Variants in TENM2 observed in about 807,000 individuals in gnomAD.
TENM2 encodes the protein teneurin transmembrane protein 2.
In TENM2, 52 loss-of-function variants were observed where a neutral mutation model predicts 245.2. The ratio of observed to expected loss-of-function variants is 0.21; its 90% CI spans 0.17 to 0.27. The LOEUF (loss-of-function observed/expected upper bound fraction) is 0.27. TENM2 is among the 10% of genes least tolerant of loss of function. TENM2 has a pLI of 1.00. For synonymous variants in TENM2, 1,363 were observed against 1,438.9 expected, an observed-to-expected ratio of 0.95 and a Z score of 1.19; for missense variants, 3,046 against 3,666.8, an observed-to-expected ratio of 0.83 and a Z score of 4.37.
intron 2 of TENM2, among the ~76,000 whole-genome samples, chr5:167,693,816 C>T (rs1275004138): frequency 1.3e-5 from 2 of 152,096 alleles, no homozygotes; most frequent in African/African-American, 2.4e-5. Flanking sequence ...ACTGCCTTGC[C>T]TAGCATGTTC....
chr5:167,657,318 T>G (rs929680985), intron 2 of TENM2, among the ~76,000 whole-genome samples: 1 of 152,208 alleles, frequency 6.6e-6, no homozygotes, highest in African/African-American at 2.4e-5. Flanking sequence ...GATTTCATTC[T>G]TTTTTTGAGG....
At chr5:167,554,673 A>G (rs1414725287) in intron 2 of TENM2, among the ~76,000 whole-genome samples, 1 of 152,172 alleles carries the variant, frequency 6.6e-6, no homozygotes, top group Non-Finnish European at 1.5e-5. Context: ...AGAAAGGTGA[A>G]GTAAGTTGGC....
At chr5:167,346,052 T>C (rs1164788963) in intron 1 of TENM2, among the ~76,000 whole-genome samples, 1 of 152,102 alleles carries the variant, frequency 6.6e-6, no homozygotes, top group Admixed American at 6.5e-5. Context: ...CAGAACAACA[T>C]GGCCTAATCA....
intron 12 of TENM2, among the ~76,000 whole-genome samples, chr5:168,161,913 T>C (rs1463330590): frequency 6.6e-6 from 1 of 152,010 alleles, no homozygotes; most frequent in East Asian, 1.9e-4. Context: ...CGAGCACATA[T>C]ATTTTTTCTT....
At chr5:167,011,565 A>G in the TENM2 span, among the ~76,000 whole-genome samples, 3 of 152,356 alleles carry the variant, frequency 2.0e-5, no homozygotes, top group African/African-American at 7.2e-5. Flanking sequence ...TCTAGCTCAT[A>G]TCTGAGACCT....
At chr5:167,115,617 T>C in the TENM2 span, among the ~76,000 whole-genome samples, 1 of 152,234 alleles carries the variant, frequency 6.6e-6, no homozygotes, top group Non-Finnish European at 1.5e-5. Flanking sequence ...TTATAAATAA[T>C]ACTTCTGCCT....
At chr5:167,310,312 T>C (rs1287252676) in intron 1 of TENM2, among the ~76,000 whole-genome samples, 1 of 152,240 alleles carries the variant, frequency 6.6e-6, no homozygotes, top group East Asian at 1.9e-4. Flanking sequence ...ATTCGGATTA[T>C]AGCTTCTCAC....
At chr5:167,255,072 T>A in the TENM2 span, among the ~76,000 whole-genome samples, 1 of 148,054 alleles carries the variant, frequency 6.8e-6, no homozygotes, top group Non-Finnish European at 1.5e-5. Flanking sequence ...TCTTTTCTTT[T>A]CTTTTTTTTT....
chr5:167,787,663 C>G (rs1764678128), intron 2 of TENM2, among the ~76,000 whole-genome samples: 1 of 152,180 alleles, frequency 6.6e-6, no homozygotes, highest in African/African-American at 2.4e-5. Flanking sequence ...TTTGACCTAG[C>G]CTACATATCA....
intron 2 of TENM2, among the ~76,000 whole-genome samples, chr5:167,487,915 T>C (rs2127538653): frequency 6.6e-6 from 1 of 152,340 alleles, no homozygotes; most frequent in East Asian, 1.9e-4. Flanking sequence ...GTTAACCTCA[T>C]ATTTTCTGGT....
intron 19 of TENM2, among the ~76,000 whole-genome samples, chr5:168,208,678 C>G (rs1324050697): frequency 2.6e-5 from 4 of 152,316 alleles, no homozygotes; most frequent in East Asian, 1.9e-4. Flanking sequence ...TCATGAAGCA[C>G]TCAATCCCGA....
intron 9 of TENM2, among the ~76,000 whole-genome samples, chr5:168,112,656 G>C (rs1452881665): frequency 6.8e-6 from 1 of 147,210 alleles, no homozygotes; most frequent in Non-Finnish European, 1.5e-5. Context: ...ATTGCCAATT[G>C]CAGGGATCTT....
In TENM2 at chr5:168,203,847, C is replaced by G; in HGVS notation, c.3574+15C>G. The G allele has an allele frequency of 6.3e-7, 1 of 1,589,700 alleles. No homozygotes were observed. Among genetic ancestry groups the G allele is most frequent in the East Asian group, 2.3e-5 (1 of 44,404 alleles). On this transcript the variant is annotated intron_variant, in intron 18 of 28. Transcript: ENST00000518659. Reference sequence around the variant, plus strand: ...TGTTAAAAGTGGTACGTGAACACATCTTCTTTCCCAAATACAGCCTTGCCA... The same window carrying G: ...TGTTAAAAGTGGTACGTGAACACATGTTCTTTCCCAAATACAGCCTTGCCA...
the TENM2 span, among the ~76,000 whole-genome samples, chr5:167,162,088 C>G: frequency 6.7e-6 from 1 of 149,538 alleles, no homozygotes; most frequent in Admixed American, 6.7e-5. Context: ...ATCACTTGAA[C>G]CCAGGAGGCA....
At position 167,335,477 on chromosome 5, in the gene TENM2, G is replaced by C. The variant is rs1409288038; in HGVS notation, c.227-39721G>C. ...CAACCTATGGCTTCGTGGCTTTTTA[G>C]GATACCTGTTTTATAAACACACACC... On this transcript the variant is annotated intron_variant, in intron 1 of 28. Coordinates refer to ENST00000518659, the Ensembl canonical transcript of TENM2. Among the ~76,000 whole-genome samples, 9 of 152,192 alleles carry C rather than the reference G, an allele frequency of 5.9e-5. No homozygotes were observed. The East Asian group carries it at 1.4e-3, about 23-fold the overall frequency.
chr5:167,162,662 C>T, the TENM2 span, among the ~76,000 whole-genome samples: 42 of 151,366 alleles, frequency 2.8e-4, no homozygotes, highest in Non-Finnish European at 4.7e-4. Flanking sequence ...AAAAAAACCT[C>T]CTTAGGACTG....
intron 9 of TENM2, among the ~76,000 whole-genome samples, chr5:168,113,247 G>A (rs1303588665): frequency 6.6e-6 from 1 of 152,120 alleles, no homozygotes; most frequent in East Asian, 1.9e-4. Flanking sequence ...TTGAGTCAGG[G>A]AGGTAGAGTC....
At chr5:167,491,132 A>G (rs969231183) in intron 2 of TENM2, among the ~76,000 whole-genome samples, 2 of 152,170 alleles carry the variant, frequency 1.3e-5, no homozygotes, top group African/African-American at 2.4e-5. Context: ...GGTAGAAAGT[A>G]TATCTCTGAA....
At chr5:168,023,318 A>G (rs971464065) in intron 5 of TENM2, among the ~76,000 whole-genome samples, 3 of 152,134 alleles carry the variant, frequency 2.0e-5, no homozygotes, top group African/African-American at 4.8e-5. Context: ...CATTCCCCCC[A>G]TCCAGCTGGG....
Sources: gnomAD v4.1 joint callset for allele counts (sites outside exome capture counted in the v4.1 genomes callset) on GRCh38, gnomAD v4.1.1 for gene constraint, MANE v1.5 for transcripts, NCBI Gene and HGNC (gene_info 2026-07-23, HGNC 2026-07-21) for gene names.